ADNP: variants seen among roughly 807,000 people sequenced by gnomAD.
ADNP encodes activity dependent neuroprotector homeobox, also known as activity-dependent neuroprotector homeobox protein.
A neutral mutation model predicts 84.9 loss-of-function variants in ADNP; 4 were observed. That is an observed-to-expected ratio of 0.05 (90% CI 0.02 to 0.11). The LOEUF (loss-of-function observed/expected upper bound fraction) is 0.11, where lower values mean the gene tolerates loss of function less well. Among genes scored for constraint, ADNP ranks in the 10% least tolerant of loss-of-function variants. The probability of loss-of-function intolerance (pLI) is 1.00; values close to 1 mark genes in which losing one functional copy is unlikely to be tolerated. For missense variants in ADNP, 1,132 were observed against 1,326.0 expected, an observed-to-expected ratio of 0.85 and a Z score of 2.27; for synonymous variants, 554 against 468.1, an observed-to-expected ratio of 1.18 and a Z score of -2.37.
At chr20:50,904,888 A>AAAAACAAAAAC (rs1982322827) in intron 2 of ADNP, 39 bp from the exon 3 acceptor site, 1 of 151,838 alleles carries the variant, frequency 6.6e-6, no homozygotes, top group Non-Finnish European at 1.5e-5. Context: ...AAAACAAAAA[A>AAAAACAAAAAC]ACCTTAAGTT....
At chr20:50,928,487 A>C (rs141367372) in intron 2 of ADNP, among the ~76,000 whole-genome samples, 164 bp downstream of exon 2, 1 of 152,236 alleles carries the variant, frequency 6.6e-6, no homozygotes, top group Non-Finnish European at 1.5e-5. Flanking sequence ...TCTTATGTTA[A>C]TAAGTGTTCA....
chr20:50,902,525 G>C (rs1295696658), intron 4 of ADNP, among the ~76,000 whole-genome samples: 1 of 151,968 alleles, frequency 6.6e-6, no homozygotes, highest in African/African-American at 2.4e-5. Context: ...GATTTTTTTC[G>C]AGGGGAGGGG....
chr20:50,921,235 C>T (rs1983936397), intron 2 of ADNP, among the ~76,000 whole-genome samples: 1 of 152,222 alleles, frequency 6.6e-6, no homozygotes, highest in Non-Finnish European at 1.5e-5. Context: ...GACTGAGAAT[C>T]AGATGTGGTT....
At chr20:50,902,157 T>C in intron 4 of ADNP, 48 bp from the exon 5 acceptor site, 3 of 1,362,312 alleles carry the variant, frequency 2.2e-6, no homozygotes, top group Non-Finnish European at 3.1e-6. Context: ...GTATAAACGC[T>C]AACCCAATCT....
Position 50,891,841 on chromosome 20 carries a change from T to C in ADNP, c.2873A>G (p.Asp958Gly). The part of the protein sequence containing the change: ...LMHNASDSEV[D>G]QDDVVEWKDG... Reference sequence around the variant, plus strand: ...TTTCCACTCAACAACATCGTCTTGGTCAACCTCACTATCAGATGCATTGTG... The same window carrying C: ...TTTCCACTCAACAACATCGTCTTGGCCAACCTCACTATCAGATGCATTGTG... The change falls in exon 6 of 6, where the codon GAC (aspartate) becomes GGC (glycine). Residue 958 changes from aspartate to glycine, a missense_variant. Asp to Gly is a moderately conservative substitution (Grantham distance 94, BLOSUM62 -1). Transcript: ENST00000621696. 1 of 1,614,248 alleles carries C rather than the reference T, an allele frequency of 6.2e-7. No individual in the cohort carries two copies. The highest frequency in any genetic ancestry group is 8.5e-7 in the Non-Finnish European group (1 of 1,180,042).
At chr20:50,927,243 C>T (rs914224988) in intron 2 of ADNP, among the ~76,000 whole-genome samples, 1 of 152,016 alleles carries the variant, frequency 6.6e-6, no homozygotes, top group Non-Finnish European at 1.5e-5. Context: ...TCACAGTGGG[C>T]ATGTATAAAA....
intron 5 of ADNP, among the ~76,000 whole-genome samples, chr20:50,900,330 G>A (rs1168059079): frequency 6.6e-6 from 1 of 152,172 alleles, no homozygotes; most frequent in Non-Finnish European, 1.5e-5. Flanking sequence ...TAGCGTAGGG[G>A]TAATAGGAGG....
chr20:50,926,851 T>C (rs1413501224), intron 2 of ADNP, among the ~76,000 whole-genome samples: 2 of 152,178 alleles, frequency 1.3e-5, no homozygotes, highest in African/African-American at 4.8e-5. Context: ...TACTTTCTCC[T>C]TTACAAAACA....
chr20:50,908,008 A>G (rs1167293870), intron 2 of ADNP, among the ~76,000 whole-genome samples: 1 of 152,090 alleles, frequency 6.6e-6, no homozygotes, highest in Non-Finnish European at 1.5e-5. Flanking sequence ...GAAATTCCAT[A>G]ATCTCCCTTT....
chr20:50,890,842 G>A lies in ADNP; in HGVS notation c.*563C>T, dbSNP rs1028644993. 8.3e-5 allele frequency: 72 copies of A among 863,692 alleles called. No homozygotes were observed. The highest frequency in any genetic ancestry group is 9.7e-5 in the Non-Finnish European group (70 of 718,972). 53.5% of individuals were successfully genotyped at this position (863,692 alleles called of 1,614,324 possible). On this transcript the variant is annotated 3_prime_UTR_variant, in exon 6 of 6. Transcript: ENST00000621696. ...GAGCTTTTGCTAGGTAAACTAGATA[G>A]AGCGTTTATTACACAGCAAGGGCAA...
chr20:50,894,633 G>A (rs1020689377), intron 5 of ADNP, 121 bp from the exon 6 acceptor site: 65 of 1,088,068 alleles, frequency 6.0e-5, no homozygotes, highest in Non-Finnish European at 7.8e-5. Flanking sequence ...GGTGGCTCAC[G>A]CCTGTAATCC....
intron 2 of ADNP, among the ~76,000 whole-genome samples, chr20:50,915,745 T>C (rs1983460828): frequency 1.3e-5 from 2 of 152,182 alleles, no homozygotes; most frequent in Non-Finnish European, 2.9e-5. Context: ...AGTATCCTCT[T>C]TCCTTAAGTT....
rs932549721 is a variant in ADNP, at chr20:50,889,989, G to A, written c.*1416C>T. The A allele has an allele frequency of 7.6e-6, 3 of 396,980 alleles. No individual in the cohort carries two copies. Among genetic ancestry groups the A allele is most frequent in the Non-Finnish European group, 1.3e-5 (3 of 225,662 alleles). 24.6% of individuals were successfully genotyped at this position (396,980 alleles called of 1,614,324 possible). A position where few individuals can be genotyped will look rare whatever the true frequency, so the allele number is the denominator to read the frequency against. ...GAAAAAACAAACAAAAAACCCATCA[G>A]GCTATTAAGATTCTGCTTGCAAATT... On this transcript the variant is annotated 3_prime_UTR_variant, in exon 6 of 6. Transcript: ENST00000621696.
intron 2 of ADNP, chr20:50,905,615 A>G (rs770361960): frequency 7.9e-5 from 12 of 152,228 alleles, no homozygotes; most frequent in Non-Finnish European, 1.6e-4. Flanking sequence ...AATATTCTAT[A>G]TGAAGTACCA....
intron 5 of ADNP, 112 bp downstream of exon 5, chr20:50,901,905 T>C (rs1982023685): frequency 2.4e-6 from 2 of 842,618 alleles, no homozygotes; most frequent in Non-Finnish European, 4.0e-6. Flanking sequence ...ATTTTGACAC[T>C]TTCGATGTTT....
chr20:50,893,234 AG>A lies in ADNP; in HGVS notation c.1479del (p.Cys494ValfsTer15). The A allele has an allele frequency of 6.2e-7, 1 of 1,614,276 alleles. No individual in the cohort carries two copies. On this transcript the variant is annotated frameshift_variant, in exon 6 of 6. Transcript: ENST00000621696. LOFTEE classifies it high-confidence loss of function. The surrounding 1 kb of genome is among the most constrained non-coding windows in gnomAD (Gnocchi z 4.4). ...KIHNFTSKCLYCNRYLPTDTL... is the reference protein window; with the variant it reads ...KIHNFTSKCLXCNRYLPTDTL... ...GTATCTGTGGGTAAATAGCGATTAC[AG>A]TAGAGGCATTTGCTAGTAAAATTGT...
chr20:50,923,412 G>C (rs540798530), intron 2 of ADNP, among the ~76,000 whole-genome samples: 1 of 152,202 alleles, frequency 6.6e-6, no homozygotes, highest in Non-Finnish European at 1.5e-5. Flanking sequence ...TTCACCGAAG[G>C]TAGCTTTTCA....
chr20:50,893,588 T>A lies in ADNP; in HGVS notation c.1126A>T (p.Arg376Trp). ...VKQLLPSGNG[R>W]SYGLGSEQRS... The stretch of plus-strand genomic sequence containing the variant: ...TGCTCTGACCCAAGCCCATAAGACC[T>A]TCCGTTTCCACTTGGAAGTAACTGC... Residue 376 changes from arginine (R) to tryptophan (W), a missense_variant, in exon 6 of 6, where the codon AGG becomes TGG. By Grantham distance (101) the Arg-to-Trp change is moderately radical (BLOSUM62 -3). Coordinates refer to ENST00000621696, the MANE Select transcript of ADNP (RefSeq NM_001282531.3). This position sits in a 1 kb window ranked among gnomAD's most constrained non-coding sequence, Gnocchi z 4.4. 3 of 1,614,144 alleles carry A rather than the reference T, an allele frequency of 1.9e-6. No homozygotes were observed. Among genetic ancestry groups the A allele is most frequent in the Non-Finnish European group, 1.7e-6 (2 of 1,180,024 alleles).
Position 50,891,292 on chromosome 20 carries a change from C to T in ADNP, c.*113G>A. ...CTGGAACTGCAGCGGCCACATGCCCCACAGTCCAACCAGTACTCACAAGGC... is the reference window on the plus strand; with the variant it reads ...CTGGAACTGCAGCGGCCACATGCCCTACAGTCCAACCAGTACTCACAAGGC... On this transcript the variant is annotated 3_prime_UTR_variant, in exon 6 of 6. Coordinates refer to ENST00000621696, the MANE Select transcript of ADNP (RefSeq NM_001282531.3). 2 of 1,432,568 alleles carry T rather than the reference C, an allele frequency of 1.4e-6. No individual in the cohort carries two copies. The highest frequency in any genetic ancestry group is 1.8e-6 in the Non-Finnish European group (2 of 1,099,346). 88.7% of individuals were successfully genotyped at this position (1,432,568 alleles called of 1,614,324 possible).
Sources: gnomAD v4.1 joint callset for allele counts (sites outside exome capture counted in the v4.1 genomes callset) on GRCh38, gnomAD v4.1.1 for gene constraint, Gnocchi (gnomAD v3.1) non-coding constraint, MANE v1.5 for transcripts, NCBI Gene and HGNC (gene_info 2026-07-23, HGNC 2026-07-21) for gene names.